Variants in ROBO2 observed in about 807,000 individuals in gnomAD.
ROBO2 encodes roundabout guidance receptor 2.
Under a neutral mutation model 160.8 loss-of-function variants are expected in ROBO2, and 53 were observed. The observed-to-expected ratio is 0.33, with a 90% CI of 0.26 to 0.41. ROBO2 has a LOEUF of 0.41. ROBO2 is among the 10% of genes least tolerant of loss of function. The pLI is 1.00. For synonymous variants in ROBO2, 664 were observed against 611.7 expected (o/e 1.09, Z -1.26); for missense variants, 1,577 against 1,722.4 (o/e 0.92, Z 1.49).
chr3:77,311,699 T>C (rs1440399475), intron 2 of ROBO2, among the ~76,000 whole-genome samples: 1 of 152,210 alleles, frequency 6.6e-6, no homozygotes, highest in Non-Finnish European at 1.5e-5. Context: ...TAGTAGGATA[T>C]GCTTTAATGT....
chr3:77,179,030 A>G (rs866955794), intron 2 of ROBO2, among the ~76,000 whole-genome samples: 2 of 152,084 alleles, frequency 1.3e-5, no homozygotes, highest in Admixed American at 6.6e-5. Flanking sequence ...ATGTACTAAC[A>G]TATCATAGTA....
chr3:75,937,694 A>C, intron 2 of ROBO2: 1 of 677,086 alleles, frequency 1.5e-6, no homozygotes, highest in East Asian at 3.0e-5. Flanking sequence ...ACGTTTAAGC[A>C]ATTTGTTGTA....
intron 1 of ROBO2, among the ~76,000 whole-genome samples, chr3:77,093,356 C>T (rs957920259): frequency 3.3e-5 from 5 of 152,136 alleles, no homozygotes; most frequent in African/African-American, 9.7e-5. Context: ...CCCCACTCCC[C>T]CTTACTGTTT....
chr3:76,851,513 A>C (rs930258907), intron 2 of ROBO2, among the ~76,000 whole-genome samples: 9 of 151,696 alleles, frequency 5.9e-5, no homozygotes, highest in Non-Finnish European at 1.0e-4. Context: ...AGGCGGGTGG[A>C]TCATGAGGTC....
rs142611203 is a variant in ROBO2, at chr3:76,238,839, G to A, written c.109+301237G>A. 3.1e-3 allele frequency among the ~76,000 whole-genome samples: 471 copies of A among 152,296 alleles called. 2 individuals are homozygous for A. The highest frequency in any genetic ancestry group is 4.9e-3 in the Non-Finnish European group (335 of 68,024). On this transcript the variant is annotated intron_variant, in intron 2 of 26. Coordinates refer to the ROBO2 transcript ENST00000487694. ...GGATTATAGTTCAAGATGAGATTTG[G>A]GTGAGGACACAAAGCCTAACCATAT...
intron 1 of ROBO2, among the ~76,000 whole-genome samples, chr3:75,916,306 T>C (rs969012272): frequency 1.3e-5 from 2 of 152,190 alleles, no homozygotes; most frequent in Non-Finnish European, 1.5e-5. Context: ...CTTCAAGTTA[T>C]CTGATCCATC....
At chr3:77,293,713 T>C (rs1213942538) in intron 2 of ROBO2, among the ~76,000 whole-genome samples, 1 of 137,752 alleles carries the variant, frequency 7.3e-6, no homozygotes, top group South Asian at 2.3e-4. Flanking sequence ...AGTAAAGACA[T>C]AAAGTAAAAT....
intron 2 of ROBO2, among the ~76,000 whole-genome samples, chr3:76,230,283 T>G (rs977018620): frequency 1.3e-5 from 2 of 152,158 alleles, no homozygotes; most frequent in East Asian, 3.9e-4. Context: ...GGCTCTCTCT[T>G]CTTATAAAGA....
At position 77,486,293 on chromosome 3, in the gene ROBO2, C is replaced by T. The variant is rs149664446; in HGVS notation, c.667+5074C>T. 9.3e-3 allele frequency among the ~76,000 whole-genome samples: 1,416 copies of T among 151,768 alleles called. 15 individuals carry two copies. Among genetic ancestry groups the T allele is most frequent in the Non-Finnish European group, 0.014 (963 of 67,766 alleles). ...TTTATATTCCTTTGGGTATCTACCC[C>T]GTAATAGTAATGGTATTTCTGGTTC... On this transcript the variant is annotated intron_variant, in intron 4 of 25. Coordinates refer to ENST00000461745, the Ensembl canonical transcript of ROBO2.
chr3:76,263,105 C>G (rs928695061), intron 2 of ROBO2, among the ~76,000 whole-genome samples: 4 of 152,048 alleles, frequency 2.6e-5, no homozygotes, highest in Non-Finnish European at 5.9e-5. Flanking sequence ...CATTCCTAGC[C>G]CTCAGTAAGC....
chr3:77,540,955 A>T (rs1162353508), intron 6 of ROBO2, among the ~76,000 whole-genome samples: 1 of 152,226 alleles, frequency 6.6e-6, no homozygotes, highest in Non-Finnish European at 1.5e-5. Flanking sequence ...GTGAAATTTT[A>T]ACTCAAGCAT....
intron 4 of ROBO2, among the ~76,000 whole-genome samples, chr3:77,490,585 T>C (rs1363662935): frequency 6.6e-6 from 1 of 152,204 alleles, no homozygotes; most frequent in Non-Finnish European, 1.5e-5. Flanking sequence ...GAAAATTTAT[T>C]TGGCTTCAAG....
chr3:76,618,266 A>G (rs1291685819), intron 2 of ROBO2, among the ~76,000 whole-genome samples: 1 of 151,644 alleles, frequency 6.6e-6, no homozygotes, highest in Non-Finnish European at 1.5e-5. Flanking sequence ...GGCATGTTGT[A>G]AATGCCCATT....
At chr3:77,312,378 T>C (rs2063624455) in intron 2 of ROBO2, among the ~76,000 whole-genome samples, 1 of 152,190 alleles carries the variant, frequency 6.6e-6, no homozygotes, top group South Asian at 2.1e-4. Context: ...GTTTTACCTG[T>C]ATTATTTGGA....
chr3:76,221,060 T>A (rs902849861), intron 2 of ROBO2, among the ~76,000 whole-genome samples: 1 of 152,208 alleles, frequency 6.6e-6, no homozygotes, highest in African/African-American at 2.4e-5. Context: ...GTGTTGTAGA[T>A]ATACTCTTCT....
rs138235479 is a variant in ROBO2, at chr3:77,249,977, T to A, written c.388+151637T>A. 3.4e-3 allele frequency among the ~76,000 whole-genome samples: 521 copies of A among 152,014 alleles called. 1 individual carries two copies. The highest frequency in any genetic ancestry group is 0.011 in the African/African-American group (471 of 41,492). The stretch of plus-strand genomic sequence containing the variant: ...GCATTTAAGGAAGCATCCAAAGTAA[T>A]TTTTTTCTATAAAAACACAGAAAAA... On this transcript the variant is annotated intron_variant, in intron 2 of 25. Transcript: ENST00000461745.
chr3:76,104,049 A>G (rs1032813240), intron 2 of ROBO2, among the ~76,000 whole-genome samples: 2 of 152,204 alleles, frequency 1.3e-5, no homozygotes, highest in Non-Finnish European at 1.5e-5. Flanking sequence ...TGAGAGGAAT[A>G]TACGACATCC....
intron 2 of ROBO2, among the ~76,000 whole-genome samples, chr3:77,146,619 T>A (rs2077138243): frequency 6.6e-6 from 1 of 152,068 alleles, no homozygotes; most frequent in Admixed American, 6.6e-5. Flanking sequence ...TGCAAAAAAT[T>A]GTCTAATTTA....
rs921512297 is a variant in ROBO2 at position 77,437,939 on chromosome 3, T to G, written c.389-39475T>G. Among the ~76,000 whole-genome samples the G allele has an allele frequency of 2.0e-5, 3 of 151,956 alleles. No individual in the cohort carries two copies. The South Asian group carries it at 6.2e-4, about 31-fold the overall frequency. On this transcript the variant is annotated intron_variant, in intron 2 of 25. Transcript: ENST00000461745. ...TGCAAAGCTAGGATAATAAATAAAG[T>G]GTAGCAGTATGTTTATTAAAAATCT...
Sources: allele counts gnomAD v4.1 joint callset (sites outside exome capture counted in the v4.1 genomes callset), GRCh38; gene constraint gnomAD v4.1.1; transcripts MANE v1.5; gene names NCBI Gene and HGNC (gene_info 2026-07-23, HGNC 2026-07-21).